PIK3R3: variants seen among roughly 807,000 people sequenced by gnomAD.
The protein encoded by PIK3R3 is phosphoinositide-3-kinase regulatory subunit 3.
In PIK3R3, 64 loss-of-function variants were observed where a neutral mutation model predicts 62.9. That is an observed-to-expected ratio of 1.02 (90% CI 0.83 to 1.25). PIK3R3 has a LOEUF of 1.25. Among genes scored for constraint, PIK3R3 ranks in the 50% most tolerant of loss-of-function variants. The probability of loss-of-function intolerance (pLI) is 0.00; values close to 1 mark genes in which losing one functional copy is unlikely to be tolerated. For missense variants in PIK3R3, 614 were observed against 561.6 expected (o/e 1.09, Z -0.94); for synonymous variants, 165 against 189.0 (o/e 0.87, Z 1.04).
chr1:46,071,443 C>T (rs1272083976), intron 3 of PIK3R3, among the ~76,000 whole-genome samples: 3 of 151,734 alleles, frequency 2.0e-5, no homozygotes, highest in Non-Finnish European at 4.4e-5. Context: ...CGCCTATAAT[C>T]CCAGCATTTT....
At chr1:46,157,418 G>A in the PIK3R3 span, among the ~76,000 whole-genome samples, 1 of 152,080 alleles carries the variant, frequency 6.6e-6, no homozygotes, top group Non-Finnish European at 1.5e-5. Context: ...CAAGACATGA[G>A]CCACTGTGCC....
At position 46,043,793 on chromosome 1, in the gene PIK3R3, G is replaced by A; in HGVS notation, c.1266C>T (p.Tyr422=). 1 of 1,613,974 alleles carries A rather than the reference G, an allele frequency of 6.2e-7. No individual in the cohort carries two copies. The highest frequency in any genetic ancestry group is 2.2e-5 in the East Asian group (1 of 44,886). The change falls in exon 10 of 10, where the codon TAC becomes TAT. Residue 422 remains tyrosine, a synonymous_variant. Transcript: ENST00000262741. The stretch of plus-strand genomic sequence containing the variant: ...GGAGCACTAGCTCCTTCAGAGAGCT[G>A]TACAGGTTGTAGGGCTCTGCAAAGC... ...GYGFAEPYNL[Y]SSLKELVLHY... is the part of the protein sequence containing the mutation.
the PIK3R3 span, among the ~76,000 whole-genome samples, chr1:46,159,738 T>TACACAC: frequency 3.0e-4 from 45 of 148,120 alleles, no homozygotes; most frequent in Middle Eastern, 3.4e-3. Context: ...ATGAGTACCA[T>TACACAC]ACACACACAC....
intron 1 of PIK3R3, chr1:46,104,803 GCGC>G: frequency 2.9e-6 from 1 of 349,030 alleles, no homozygotes; most frequent in East Asian, 5.6e-5. Context: ...ATGGTGGCAA[GCGC>G]CTGTAATCCC....
chr1:46,122,229 G>T (rs896209870), intron 1 of PIK3R3, among the ~76,000 whole-genome samples: 6 of 151,988 alleles, frequency 3.9e-5, no homozygotes, highest in Non-Finnish European at 7.4e-5. Context: ...CTTTAATAAG[G>T]CTTGATGGCT....
intron 6 of PIK3R3, among the ~76,000 whole-genome samples, chr1:46,059,594 T>C (rs1002993715): frequency 1.3e-4 from 19 of 150,638 alleles, no homozygotes; most frequent in African/African-American, 4.6e-4. Flanking sequence ...CGGGGAGGAT[T>C]GCTTGAGTCC....
intron 7 of PIK3R3, among the ~76,000 whole-genome samples, chr1:46,051,739 T>G (rs1045066472): frequency 1.3e-5 from 2 of 152,216 alleles, no homozygotes; most frequent in Non-Finnish European, 2.9e-5. Flanking sequence ...CCCCTGCTTA[T>G]CCATGGGGAA....
intron 7 of PIK3R3, among the ~76,000 whole-genome samples, chr1:46,051,730 C>T (rs1367597438): frequency 6.6e-6 from 1 of 151,992 alleles, no homozygotes; most frequent in African/African-American, 2.4e-5. Flanking sequence ...ATACTGTAGC[C>T]CCTGCTTATC....
chr1:46,078,088 T>C (rs958680794), intron 2 of PIK3R3, among the ~76,000 whole-genome samples: 4 of 152,150 alleles, frequency 2.6e-5, no homozygotes, highest in Non-Finnish European at 5.9e-5. Flanking sequence ...ATTCCTTCTG[T>C]AGAGTTGATT....
At chr1:46,096,770 G>C (rs928253832) in intron 1 of PIK3R3, among the ~76,000 whole-genome samples, 2 of 151,510 alleles carry the variant, frequency 1.3e-5, no homozygotes, top group Admixed American at 6.6e-5. Flanking sequence ...GAACCTGTGA[G>C]GTGGAGGTTG....
intron 2 of PIK3R3, 107 bp from the exon 3 acceptor site, chr1:46,077,720 T>C (rs1173981122): frequency 5.8e-6 from 4 of 691,824 alleles, no homozygotes; most frequent in African/African-American, 3.5e-5. Flanking sequence ...CGGCAGTAGG[T>C]GTGCCTGAGG....
intron 1 of PIK3R3, among the ~76,000 whole-genome samples, chr1:46,084,039 T>C (rs189382306): frequency 2.7e-4 from 41 of 152,282 alleles, no homozygotes; most frequent in South Asian, 4.1e-4. Context: ...AACAGACGAA[T>C]AGATAAATAA....
chr1:46,116,546 C>T (rs1016038301), intron 1 of PIK3R3, among the ~76,000 whole-genome samples: 2 of 151,580 alleles, frequency 1.3e-5, no homozygotes, highest in African/African-American at 4.8e-5. Context: ...TTTGCAGTCC[C>T]AGCTACTCGG....
At chr1:46,056,069 G>A in intron 6 of PIK3R3, 98 bp from the exon 7 acceptor site, 2 of 732,572 alleles carry the variant, frequency 2.7e-6, no homozygotes, top group Non-Finnish European at 4.2e-6. Flanking sequence ...TTTTTCCCTT[G>A]AGATTGAGTC....
chr1:46,089,903 T>C (rs1651452662), intron 1 of PIK3R3, among the ~76,000 whole-genome samples: 1 of 151,998 alleles, frequency 6.6e-6, no homozygotes, highest in African/African-American at 2.4e-5. Context: ...CTATCTTCCT[T>C]AGAAGGAATA....
At position 46,041,527 on chromosome 1, in the gene PIK3R3, CTGTATT is replaced by C. The variant is rs1418194098; in HGVS notation, c.*2140_*2145del. On this transcript the variant is annotated 3_prime_UTR_variant, in exon 10 of 10. Transcript: ENST00000262741. ...ATTACTGAATACTACAGCCCTGTAT[CTGTATT>C]TCCATTTTGGTTTAAAAGACACTCA... is the stretch of plus-strand genomic sequence containing the variant. The C allele has an allele frequency of 5.6e-6, 1 of 177,032 alleles. No homozygotes were observed. The highest frequency in any genetic ancestry group is 1.2e-5 in the Non-Finnish European group (1 of 82,038). 11.0% of individuals were successfully genotyped at this position (177,032 alleles called of 1,614,324 possible).
chr1:46,113,965 A>G (rs1653953924), intron 1 of PIK3R3, among the ~76,000 whole-genome samples: 1 of 152,224 alleles, frequency 6.6e-6, no homozygotes, highest in Non-Finnish European at 1.5e-5. Flanking sequence ...AAGAGAAGGA[A>G]TTATAAAGAG....
At chr1:46,091,138 CTTTT>C (rs148774563) in intron 1 of PIK3R3, among the ~76,000 whole-genome samples, 2 of 127,644 alleles carry the variant, frequency 1.6e-5, no homozygotes, top group Non-Finnish European at 1.7e-5. Flanking sequence ...AGCATTTTAA[CTTTT>C]TTTTTTTTTT....
chr1:46,143,340 T>C, the PIK3R3 span, among the ~76,000 whole-genome samples: 1 of 152,234 alleles, frequency 6.6e-6, no homozygotes, highest in African/African-American at 2.4e-5. Context: ...TTTTAATTGA[T>C]ACAGAATACT....
Sources: allele counts gnomAD v4.1 joint callset (sites outside exome capture counted in the v4.1 genomes callset), GRCh38; gene constraint gnomAD v4.1.1; transcripts MANE v1.5; gene names NCBI Gene and HGNC (gene_info 2026-07-23, HGNC 2026-07-21).